The following SFSWAP variants were observed in gnomAD, a reference collection of about 807,000 sequenced individuals.
SFSWAP encodes the protein splicing factor SWAP.
SFSWAP carries 17 observed loss-of-function variants against 100.7 expected under a neutral mutation model. That is an observed-to-expected ratio of 0.17 (90% CI 0.12 to 0.25). The LOEUF is 0.25. SFSWAP is among the 10% of genes least tolerant of loss of function. The pLI, the probability that SFSWAP is intolerant of heterozygous loss-of-function variation, is 1.00. For missense variants in SFSWAP, 1,005 were observed against 1,262.6 expected (o/e 0.80, Z 3.09); for synonymous variants, 504 against 510.1 (o/e 0.99, Z 0.16).
chr12:131,721,420 T>C (rs147884927), intron 4 of SFSWAP, among the ~76,000 whole-genome samples: 6 of 152,358 alleles, frequency 3.9e-5, no homozygotes, highest in East Asian at 3.9e-4. Context: ...TTATATATAT[T>C]GTATTCCTAT....
At chr12:131,777,259 G>T (rs1047112722) in intron 13 of SFSWAP, among the ~76,000 whole-genome samples, 1 of 151,992 alleles carries the variant, frequency 6.6e-6, no homozygotes, top group Admixed American at 6.6e-5. Context: ...ATCATTTAAC[G>T]TTAGGTATAT....
chr12:131,788,850 C>T (rs1299227627), intron 15 of SFSWAP, among the ~76,000 whole-genome samples: 1 of 152,230 alleles, frequency 6.6e-6, no homozygotes, highest in African/African-American at 2.4e-5. Context: ...TCAGAGCGGG[C>T]GTCCACTTCC....
At position 131,725,355 on chromosome 12, in the gene SFSWAP, G is replaced by A. The variant is rs535978287; in HGVS notation, c.607-50G>A. ...TATGTTTTAATGAAATCACGTGGCC[G>A]GTGGACAAGAGGACAAATGGGTGAC... On this transcript the variant is annotated intron_variant, in intron 4 of 17. Transcript: ENST00000261674. The surrounding 1 kb of genome is among the most constrained non-coding windows in gnomAD (Gnocchi z 4.3). 1.1e-4 allele frequency: 161 copies of A among 1,428,614 alleles called. No homozygotes were observed. The highest frequency in any genetic ancestry group is 1.8e-4 in the East Asian group (8 of 43,838). 88.5% of individuals were successfully genotyped at this position (1,428,614 alleles called of 1,614,324 possible). A position where few individuals can be genotyped will look rare whatever the true frequency, so the allele number is the denominator to read the frequency against.
chr12:131,726,317 C>G (rs1239303899), intron 5 of SFSWAP, among the ~76,000 whole-genome samples: 1 of 152,180 alleles, frequency 6.6e-6, no homozygotes, highest in Non-Finnish European at 1.5e-5. Flanking sequence ...TCAAGCAATT[C>G]TCATGCCTCA....
At chr12:131,736,477 A>G (rs559581232) in intron 7 of SFSWAP, among the ~76,000 whole-genome samples, 1 of 152,376 alleles carries the variant, frequency 6.6e-6, no homozygotes, top group East Asian at 1.9e-4. Flanking sequence ...CTGATAGTCT[A>G]GTAGAAAAAA....
intron 8 of SFSWAP, chr12:131,753,581 A>G: frequency 1.7e-6 from 1 of 602,358 alleles, no homozygotes; most frequent in Non-Finnish European, 2.8e-6. Flanking sequence ...AACCACTTAT[A>G]AAGTTGAATT....
intron 11 of SFSWAP, among the ~76,000 whole-genome samples, chr12:131,763,263 G>T (rs1285832398): frequency 2.0e-5 from 3 of 152,188 alleles, no homozygotes; most frequent in Non-Finnish European, 4.4e-5. Flanking sequence ...AACATAAGTT[G>T]CAGCCCTTCC....
chr12:131,774,600 C>T (rs1179057944), intron 13 of SFSWAP, among the ~76,000 whole-genome samples: 1 of 152,186 alleles, frequency 6.6e-6, no homozygotes, highest in African/African-American at 2.4e-5. Flanking sequence ...ATTAAAAATG[C>T]ATCTCAAAGG....
chr12:131,770,670 C>A (rs1382858905), intron 13 of SFSWAP, among the ~76,000 whole-genome samples: 1 of 152,004 alleles, frequency 6.6e-6, no homozygotes, highest in Non-Finnish European at 1.5e-5. Context: ...TCCTCCAATT[C>A]TCTCCCTTCT....
chr12:131,715,104 T>C (rs1877768037), intron 3 of SFSWAP, 151 bp downstream of exon 3: 3 of 686,814 alleles, frequency 4.4e-6, no homozygotes, highest in Non-Finnish European at 7.1e-6. Context: ...ATTCCTTCTT[T>C]TGGTAAAACG....
In SFSWAP at chr12:131,711,311, G is replaced by A. The variant is rs1228742040; in HGVS notation, c.82G>A (p.Gly28Ser). Residue 28 changes from glycine to serine, a missense_variant, in exon 1 of 18, where the codon GGT becomes AGT. Gly to Ser is a moderately conservative substitution (Grantham distance 56, BLOSUM62 0). This residue lies in a region of SFSWAP where 237 missense variants were observed against 337.0 expected (regional missense o/e 0.70). Coordinates refer to ENST00000261674, the MANE Select transcript of SFSWAP (RefSeq NM_004592.4). The surrounding 1 kb of genome is among the most constrained non-coding windows in gnomAD (Gnocchi z 4.9). Reference protein sequence around the residue: ...KEEAGPGGAGGGGSRVELLVF... With the variant: ...KEEAGPGGAGSGGSRVELLVF... ...GGAGGCCGGGCCAGGCGGTGCCGGC[G>A]GTGGGGGCAGCCGAGTGGAGCTCTT... is the stretch of plus-strand genomic sequence containing the variant. 6.2e-7 allele frequency: 1 copy of A among 1,613,424 alleles called. No homozygotes were observed. Among genetic ancestry groups the A allele is most frequent in the Non-Finnish European group, 8.5e-7 (1 of 1,179,820 alleles).
intron 7 of SFSWAP, among the ~76,000 whole-genome samples, chr12:131,731,343 T>C (rs1394107506): frequency 6.6e-6 from 1 of 152,226 alleles, no homozygotes; most frequent in Non-Finnish European, 1.5e-5. Flanking sequence ...CTTCCTCTGC[T>C]ACCCTTTGAG....
At chr12:131,779,324 G>A (rs1884313775) in intron 14 of SFSWAP, among the ~76,000 whole-genome samples, 1 of 127,286 alleles carries the variant, frequency 7.9e-6, no homozygotes, top group African/African-American at 2.8e-5. Flanking sequence ...GGTGCAGAAT[G>A]TTTCCTCTCC....
intron 15 of SFSWAP, among the ~76,000 whole-genome samples, chr12:131,795,456 G>A (rs115993782): frequency 2.5e-4 from 38 of 152,324 alleles, no homozygotes; most frequent in African/African-American, 8.9e-4. Flanking sequence ...GGCTACCGCA[G>A]CTCTGTCTAA....
chr12:131,778,033 T>C lies in SFSWAP; in HGVS notation c.2143-32T>C. ...TACATCTTCAATGTTCTGTTTTCCCTGTTAACACCCAGATTTTCCTTTTAT... is the reference window on the plus strand; with the variant it reads ...TACATCTTCAATGTTCTGTTTTCCCCGTTAACACCCAGATTTTCCTTTTAT... On this transcript the variant is annotated intron_variant, in intron 13 of 17. Transcript: ENST00000261674. This position sits in a 1 kb window ranked among gnomAD's most constrained non-coding sequence, Gnocchi z 4.2. 6.3e-7 allele frequency: 1 copy of C among 1,584,044 alleles called. No individual in the cohort carries two copies. Among genetic ancestry groups the C allele is most frequent in the Non-Finnish European group, 8.5e-7 (1 of 1,170,122 alleles).
chr12:131,770,075 A>C (rs901285405), intron 13 of SFSWAP, among the ~76,000 whole-genome samples: 1 of 152,270 alleles, frequency 6.6e-6, no homozygotes, highest in Admixed American at 6.5e-5. Context: ...TGAAACAAAA[A>C]TACTTGTAAT....
intron 12 of SFSWAP, among the ~76,000 whole-genome samples, chr12:131,765,431 C>T (rs1293522504): frequency 1.3e-5 from 2 of 152,084 alleles, no homozygotes; most frequent in Non-Finnish European, 2.9e-5. Context: ...GGTGGATCAC[C>T]TGAGGTCAGA....
chr12:131,775,896 C>T (rs1396663856), intron 13 of SFSWAP, among the ~76,000 whole-genome samples: 1 of 151,200 alleles, frequency 6.6e-6, no homozygotes, highest in Non-Finnish European at 1.5e-5. Context: ...TTGAGACCAG[C>T]CTGGCCAAAA....
chr12:131,799,327 C>CT (rs146612555), intron 17 of SFSWAP, 96 bp from the exon 18 acceptor site: 1 of 1,332,852 alleles, frequency 7.5e-7, no homozygotes, highest in Admixed American at 1.7e-5. Flanking sequence ...CTAGCACCGT[C>CT]TGGTCTTGAC....
Sources: allele counts gnomAD v4.1 joint callset (sites outside exome capture counted in the v4.1 genomes callset), GRCh38; gene constraint gnomAD v4.1.1; regional missense constraint gnomAD v4.1.1; non-coding constraint Gnocchi (gnomAD v3.1); transcripts MANE v1.5; gene names NCBI Gene and HGNC (gene_info 2026-07-23, HGNC 2026-07-21).